Variants in MACROH2A2 observed in about 807,000 individuals in gnomAD.
The protein encoded by MACROH2A2 is macroH2A.2 histone, also known as core histone macro-H2A.2.
In MACROH2A2, 6 loss-of-function variants were observed where a neutral mutation model predicts 37.6. That is an observed-to-expected ratio of 0.16 (90% CI 0.09 to 0.32). MACROH2A2 has a LOEUF of 0.32. Ranked by LOEUF, MACROH2A2 falls within the 10% of genes least tolerant of loss-of-function variation. The pLI, the probability that MACROH2A2 is intolerant of heterozygous loss-of-function variation, is 1.00. For synonymous variants in MACROH2A2, 192 were observed against 202.7 expected, an observed-to-expected ratio of 0.95 and a Z score of 0.45; for missense variants, 290 against 485.9, an observed-to-expected ratio of 0.60 and a Z score of 3.79.
intron 1 of MACROH2A2, among the ~76,000 whole-genome samples, chr10:70,069,477 G>T (rs2072096831): frequency 6.6e-6 from 1 of 152,124 alleles, no homozygotes; most frequent in African/African-American, 2.4e-5. Context: ...TTCAGGGTTT[G>T]TCTGGTTTCC....
At position 70,093,735 on chromosome 10, in the gene MACROH2A2, T is replaced by C; in HGVS notation, c.478T>C (p.Ser160Pro). The stretch of plus-strand genomic sequence containing the variant: ...CTTGCCTTTTGATTTTTACCGACAG[T>C]CCAAACCAAAGGACAGCGATAAAGA... ...KAAKPRTSKK[S>P]KPKDSDKEGT... The change falls in exon 5 of 9, where the codon TCC (serine) becomes CCC (proline). Residue 160 changes from serine (S) to proline (P), a missense_variant and splice_region_variant. This residue lies in a region of MACROH2A2 where 77 missense variants were observed against 68.9 expected (regional missense o/e 1.12). Coordinates refer to ENST00000373255, the MANE Select transcript of MACROH2A2 (RefSeq NM_018649.3). 1 of 1,582,494 alleles carries C rather than the reference T, an allele frequency of 6.3e-7. No homozygotes were observed. Among genetic ancestry groups the C allele is most frequent in the Non-Finnish European group, 8.7e-7 (1 of 1,151,192 alleles).
At chr10:70,097,483 G>A (rs1480686934) in intron 6 of MACROH2A2, among the ~76,000 whole-genome samples, 3 of 152,050 alleles carry the variant, frequency 2.0e-5, no homozygotes, top group Non-Finnish European at 4.4e-5. Flanking sequence ...AATCATCCCA[G>A]CAGCCAAGGC....
At chr10:70,080,188 A>G (rs769432418) in intron 2 of MACROH2A2, among the ~76,000 whole-genome samples, 12 of 151,952 alleles carry the variant, frequency 7.9e-5, no homozygotes, top group Admixed American at 1.3e-4. Context: ...CTGAGGCAGG[A>G]GAATCACTTG....
chr10:70,108,763 A>G (rs1172412497), intron 7 of MACROH2A2, among the ~76,000 whole-genome samples: 1 of 152,242 alleles, frequency 6.6e-6, no homozygotes, highest in African/African-American at 2.4e-5. Flanking sequence ...GAGGTAGCCC[A>G]ACCCAGGGAC....
intron 7 of MACROH2A2, among the ~76,000 whole-genome samples, chr10:70,102,551 T>C (rs1340961896): frequency 6.6e-6 from 1 of 152,042 alleles, no homozygotes; most frequent in East Asian, 1.9e-4. Flanking sequence ...ACCCCGTCTC[T>C]ACTAAAAATA....
At chr10:70,080,135 C>T (rs1189770330) in intron 2 of MACROH2A2, among the ~76,000 whole-genome samples, 2 of 151,866 alleles carry the variant, frequency 1.3e-5, no homozygotes, top group Non-Finnish European at 2.9e-5. Context: ...CAAAATTAGC[C>T]GGACGTGATG....
At chr10:70,071,527 A>G (rs2072110146) in intron 1 of MACROH2A2, among the ~76,000 whole-genome samples, 1 of 152,186 alleles carries the variant, frequency 6.6e-6, no homozygotes, top group Admixed American at 6.5e-5. Context: ...TAAATAACAT[A>G]TGAAGCTCAC....
chr10:70,057,071 C>CA (rs778974006), intron 1 of MACROH2A2, among the ~76,000 whole-genome samples: 4 of 151,924 alleles, frequency 2.6e-5, no homozygotes, highest in Non-Finnish European at 5.9e-5. Flanking sequence ...TCATTTCCCC[C>CA]AAAAAATCAC....
At chr10:70,059,527 C>T (rs376172298) in intron 1 of MACROH2A2, among the ~76,000 whole-genome samples, 2 of 152,060 alleles carry the variant, frequency 1.3e-5, no homozygotes, top group African/African-American at 2.4e-5. Flanking sequence ...TGCGCCACCA[C>T]ACCTGGCTAA....
At chr10:70,106,097 C>T in intron 7 of MACROH2A2, among the ~76,000 whole-genome samples, 1 of 152,204 alleles carries the variant, frequency 6.6e-6, no homozygotes. Context: ...CAGTAGCAGC[C>T]TCTCAGCAGG....
chr10:70,084,428 T>A (rs2072198731), intron 2 of MACROH2A2, among the ~76,000 whole-genome samples: 1 of 152,216 alleles, frequency 6.6e-6, no homozygotes, highest in Admixed American at 6.5e-5. Context: ...GGCTCACCTT[T>A]GTAATCCCAG....
chr10:70,058,828 G>C (rs1043473240), intron 1 of MACROH2A2, among the ~76,000 whole-genome samples: 2 of 152,026 alleles, frequency 1.3e-5, no homozygotes, highest in African/African-American at 4.8e-5. Context: ...CTCATCCCGA[G>C]TGGTAAACTT....
intron 2 of MACROH2A2, among the ~76,000 whole-genome samples, chr10:70,088,175 G>A (rs763585611): frequency 0.054 from 6,511 of 120,006 alleles, 212 homozygotes; most frequent in African/African-American, 0.1. Context: ...GCACACACAC[G>A]CACACATATG....
Position 70,053,678 on chromosome 10 carries a change from C to T in MACROH2A2, c.-60+678C>T, listed in dbSNP as rs909144622. Among the ~76,000 whole-genome samples the T allele has an allele frequency of 9.3e-5, 14 of 151,304 alleles. No homozygotes were observed. Among genetic ancestry groups the T allele is most frequent in the African/African-American group, 3.1e-4 (13 of 41,392 alleles). On this transcript the variant is annotated intron_variant, in intron 1 of 8. Transcript: ENST00000373255. The surrounding 1 kb of genome is among the most constrained non-coding windows in gnomAD (Gnocchi z 4.8). ...CCGCGGGCGGGCGTGCGCCCCGGGG[C>T]CGGCGCGGAAGAGGGCGCGAGGCCG...
chr10:70,062,053 A>G (rs1212206800), intron 1 of MACROH2A2, among the ~76,000 whole-genome samples: 2 of 152,228 alleles, frequency 1.3e-5, no homozygotes, highest in Non-Finnish European at 2.9e-5. Flanking sequence ...ACAGCTACAA[A>G]ATAATGCTAA....
chr10:70,062,345 C>T (rs958277177), intron 1 of MACROH2A2, among the ~76,000 whole-genome samples: 6 of 151,942 alleles, frequency 3.9e-5, no homozygotes, highest in African/African-American at 1.2e-4. Context: ...AAGCACAATA[C>T]CACAGATTAG....
intron 4 of MACROH2A2, 66 bp downstream of exon 4, chr10:70,092,020 C>A: frequency 1.5e-6 from 2 of 1,294,282 alleles, no homozygotes; most frequent in East Asian, 2.3e-5. Context: ...TCTGTGTTCC[C>A]CCACAATTCA....
chr10:70,098,882 T>A (rs1042983905), intron 6 of MACROH2A2: 2 of 152,212 alleles, frequency 1.3e-5, no homozygotes, highest in African/African-American at 4.8e-5. Context: ...TGGGAATGCT[T>A]CTGTAGAGAG....
At chr10:70,083,992 G>T (rs1387709732) in intron 2 of MACROH2A2, among the ~76,000 whole-genome samples, 1 of 151,848 alleles carries the variant, frequency 6.6e-6, no homozygotes, top group Non-Finnish European at 1.5e-5. Context: ...TATTGAGAAG[G>T]AATTGTTTAT....
Sources: gnomAD v4.1 joint callset for allele counts (sites outside exome capture counted in the v4.1 genomes callset) on GRCh38, gnomAD v4.1.1 for gene constraint, gnomAD v4.1.1 regional missense constraint, Gnocchi (gnomAD v3.1) non-coding constraint, MANE v1.5 for transcripts, NCBI Gene and HGNC (gene_info 2026-07-23, HGNC 2026-07-21) for gene names.